The following TEX26 variants were observed in gnomAD, a reference collection of about 807,000 sequenced individuals.
TEX26 encodes the protein testis expressed 26.
TEX26 carries 34 observed loss-of-function variants against 35.3 expected under a neutral mutation model. The observed-to-expected ratio is 0.96, with a 90% confidence interval of 0.73 to 1.28. The LOEUF is 1.28. Among genes scored for constraint, TEX26 ranks in the 50% most tolerant of loss-of-function variants. The pLI is 0.00. For synonymous variants in TEX26, 136 were observed against 111.8 expected, an observed-to-expected ratio of 1.22 and a Z score of -1.36; for missense variants, 371 against 330.1, an observed-to-expected ratio of 1.12 and a Z score of -0.96.
At chr13:30,954,901 C>A (rs1239283265) in intron 3 of TEX26, among the ~76,000 whole-genome samples, 1 of 152,182 alleles carries the variant, frequency 6.6e-6, no homozygotes, top group East Asian at 1.9e-4. Flanking sequence ...GGCTCTCAAC[C>A]AATGAGAGCT....
chr13:30,972,252 C>A (rs1954737430), intron 6 of TEX26, among the ~76,000 whole-genome samples: 1 of 152,082 alleles, frequency 6.6e-6, no homozygotes, highest in South Asian at 2.1e-4. Flanking sequence ...CTGGCAGAAG[C>A]AACAGTGTAA....
At chr13:30,944,156 G>C (rs1953615539) in intron 2 of TEX26, among the ~76,000 whole-genome samples, 1 of 151,636 alleles carries the variant, frequency 6.6e-6, no homozygotes, top group East Asian at 1.9e-4. Flanking sequence ...GTCTGCTCAG[G>C]GTTTCTATTT....
chr13:30,952,116 A>G (rs2138246597), intron 2 of TEX26, among the ~76,000 whole-genome samples: 1 of 140,502 alleles, frequency 7.1e-6, no homozygotes, highest in South Asian at 2.3e-4. Flanking sequence ...TGAAGACTTC[A>G]TCTGATTCAA....
intron 2 of TEX26, among the ~76,000 whole-genome samples, chr13:30,941,531 T>G (rs891369657): frequency 2.0e-5 from 3 of 152,268 alleles, no homozygotes; most frequent in Non-Finnish European, 4.4e-5. Context: ...GTACAGGTGG[T>G]TTTTGGTTAC....
intron 2 of TEX26, among the ~76,000 whole-genome samples, chr13:30,943,840 C>T (rs559834821): frequency 1.1e-4 from 17 of 151,934 alleles, no homozygotes; most frequent in Admixed American, 5.9e-4. Context: ...ATTATCTTTT[C>T]GATGTGCTAT....
intron 4 of TEX26, 74 bp downstream of exon 4, chr13:30,957,103 G>A (rs535219501): frequency 2.9e-5 from 42 of 1,461,932 alleles, no homozygotes; most frequent in Middle Eastern, 1.9e-4. Flanking sequence ...GGCAGCATGC[G>A]TGTGTTCTTC....
chr13:30,951,273 T>A (rs987618060), intron 2 of TEX26, among the ~76,000 whole-genome samples: 14 of 151,530 alleles, frequency 9.2e-5, no homozygotes, highest in African/African-American at 2.9e-4. Context: ...GGAGGATAGA[T>A]TGAGCCCAGC....
In TEX26 at chr13:30,952,830, G is replaced by T. The variant is rs1480555765; in HGVS notation, c.312+5G>T. ...CACAAATCTCATCTCAATGAAGTAA[G>T]ATAATATCTACATATGTGTTGAATT... On this transcript the variant is annotated splice_donor_5th_base_variant and intron_variant, in intron 3 of 6. Coordinates refer to ENST00000380473, the MANE Select transcript of TEX26 (RefSeq NM_152325.3). The T allele has an allele frequency of 6.2e-7, 1 of 1,610,910 alleles. No homozygotes were observed.
chr13:30,932,898 C>G, intron 1 of TEX26, 122 bp downstream of exon 1: 2 of 1,075,722 alleles, frequency 1.9e-6, no homozygotes, highest in South Asian at 3.5e-5. Context: ...GGAGTATGCT[C>G]AACTGAGGAA....
chr13:30,967,758 C>T (rs1011621137), intron 5 of TEX26, among the ~76,000 whole-genome samples: 1 of 152,118 alleles, frequency 6.6e-6, no homozygotes, highest in African/African-American at 2.4e-5. Flanking sequence ...TTATTTTTTT[C>T]ATGATAGTTT....
chr13:30,969,480 A>G (rs771053082), intron 6 of TEX26, among the ~76,000 whole-genome samples: 116 of 151,714 alleles, frequency 7.6e-4, no homozygotes, highest in Non-Finnish European at 1.3e-3. Context: ...TCTATATATC[A>G]CTCTCTGAAG....
chr13:30,971,052 G>A (rs193117271), intron 6 of TEX26, among the ~76,000 whole-genome samples: 2 of 152,278 alleles, frequency 1.3e-5, no homozygotes, highest in East Asian at 3.9e-4. Context: ...TCCTCTTTGG[G>A]GCTGCCTTGG....
chr13:30,958,432 A>G (rs1043944994), intron 4 of TEX26, among the ~76,000 whole-genome samples: 2 of 152,218 alleles, frequency 1.3e-5, no homozygotes, highest in Non-Finnish European at 2.9e-5. Context: ...ACACAATGGC[A>G]GTTGGAGTAT....
At chr13:30,938,757 CT>C (rs1362250484) in intron 1 of TEX26, among the ~76,000 whole-genome samples, 1 of 152,178 alleles carries the variant, frequency 6.6e-6, no homozygotes, top group South Asian at 2.1e-4. Flanking sequence ...CTCTGGGACA[CT>C]TTTTTTGACT....
intron 2 of TEX26, among the ~76,000 whole-genome samples, chr13:30,948,109 T>C (rs1037042371): frequency 6.6e-6 from 1 of 152,206 alleles, no homozygotes; most frequent in Non-Finnish European, 1.5e-5. Context: ...ATGGTGTATA[T>C]GTGTCACATT....
At chr13:30,945,910 A>G (rs1390793911) in intron 2 of TEX26, among the ~76,000 whole-genome samples, 2 of 151,944 alleles carry the variant, frequency 1.3e-5, no homozygotes, top group Non-Finnish European at 2.9e-5. Context: ...TTGACTTTAG[A>G]CAGTCTGATG....
Position 30,936,276 on chromosome 13 carries a change from A to G in TEX26, c.62-3418A>G, listed in dbSNP as rs574858376. On this transcript the variant is annotated intron_variant, in intron 1 of 6. Transcript: ENST00000380473. Reference sequence around the variant, plus strand: ...TAAGCTTTATATTTTCCTAATGGTGAACACATCCAGTGGATTGTCAAGGTT... The same window carrying G: ...TAAGCTTTATATTTTCCTAATGGTGGACACATCCAGTGGATTGTCAAGGTT... 1.8e-4 allele frequency among the ~76,000 whole-genome samples: 27 copies of G among 152,338 alleles called. No individual in the cohort carries two copies. The South Asian group carries it at 5.4e-3, about 30-fold the overall frequency.
intron 5 of TEX26, 131 bp from the exon 6 acceptor site, chr13:30,968,754 C>T: frequency 6.4e-6 from 5 of 786,458 alleles, no homozygotes; most frequent in Non-Finnish European, 8.3e-6. Flanking sequence ...TAATGTCCAG[C>T]ATCATGAAGG....
Position 30,952,841 on chromosome 13 carries a change from CAT to C in TEX26, c.312+19_312+20del, listed in dbSNP as rs762463132. On this transcript the variant is annotated intron_variant, in intron 3 of 6. Coordinates refer to ENST00000380473, the MANE Select transcript of TEX26 (RefSeq NM_152325.3). ...TCTCAATGAAGTAAGATAATATCTA[CAT>C]ATGTGTTGAATTTAATACTGTACTG... The C allele has an allele frequency of 2.5e-5, 40 of 1,606,276 alleles. No homozygotes were observed. Among genetic ancestry groups the C allele is most frequent in the Non-Finnish European group, 3.2e-5 (38 of 1,175,304 alleles).
Sources: allele counts gnomAD v4.1 joint callset (sites outside exome capture counted in the v4.1 genomes callset), GRCh38; gene constraint gnomAD v4.1.1; transcripts MANE v1.5; gene names NCBI Gene and HGNC (gene_info 2026-07-23, HGNC 2026-07-21).